Variants in AK3 observed in about 807,000 individuals in gnomAD.
AK3 encodes adenylate kinase 3.
AK3 carries 27 observed loss-of-function variants against 23.7 expected under a neutral mutation model. That is an observed-to-expected ratio of 1.14 (90% CI 0.84 to 1.57). AK3 has a LOEUF of 1.57. AK3 is among the 40% of genes most tolerant of loss of function. The pLI, the probability that AK3 is intolerant of heterozygous loss-of-function variation, is 0.00. For synonymous variants in AK3, 159 were observed against 116.0 expected (o/e 1.37, Z -2.38); for missense variants, 406 against 285.6 (o/e 1.42, Z -3.04).
chr9:4,730,369 T>C (rs374283845), intron 1 of AK3, among the ~76,000 whole-genome samples: 1 of 151,750 alleles, frequency 6.6e-6, no homozygotes, highest in Non-Finnish European at 1.5e-5. Context: ...TTTTAAAAAA[T>C]AGAACAGATG....
chr9:4,711,466 T>G lies in AK3; in HGVS notation c.*1510A>C, dbSNP rs1224642764. ...TTCTTTTAAAAAACCTTGGTTCATC[T>G]TGAAAGATCGATGAATTTTTTAAAT... is the stretch of plus-strand genomic sequence containing the variant. On this transcript the variant is annotated 3_prime_UTR_variant, in exon 5 of 5. Coordinates refer to ENST00000381809, the MANE Select transcript of AK3 (RefSeq NM_016282.4). 1 of 152,640 alleles carries G rather than the reference T, an allele frequency of 6.6e-6. No individual in the cohort carries two copies. Among genetic ancestry groups the G allele is most frequent in the Non-Finnish European group, 1.5e-5 (1 of 68,028 alleles). The allele number at this position is 152,640 out of a possible 1,614,324, so 9.5% of individuals were successfully genotyped here. A position where few individuals can be genotyped will look rare whatever the true frequency, so the allele number is the denominator to read the frequency against.
At chr9:4,725,720 C>G (rs1348557252) in intron 1 of AK3, among the ~76,000 whole-genome samples, 2 of 152,148 alleles carry the variant, frequency 1.3e-5, no homozygotes, top group African/African-American at 2.4e-5. Context: ...CTAAAGAACT[C>G]TTACAACTCA....
At chr9:4,718,393 A>T (rs754330244) in intron 4 of AK3, 26 bp downstream of exon 4, 1 of 1,539,526 alleles carries the variant, frequency 6.5e-7, no homozygotes, top group Non-Finnish European at 9.0e-7. Context: ...ACTACGCAAG[A>T]GAAGTTCTGA....
At chr9:4,727,281 C>T (rs1842041408) in intron 1 of AK3, among the ~76,000 whole-genome samples, 1 of 152,174 alleles carries the variant, frequency 6.6e-6, no homozygotes, top group African/African-American at 2.4e-5. Context: ...CTTCTCTTCT[C>T]CAGCAATGGA....
At chr9:4,734,562 C>A (rs1458937706) in intron 1 of AK3, among the ~76,000 whole-genome samples, 1 of 152,152 alleles carries the variant, frequency 6.6e-6, no homozygotes, top group Non-Finnish European at 1.5e-5. Context: ...TCCCTGGATT[C>A]TACTAGATTC....
chr9:4,723,447 GATT>G, intron 1 of AK3, among the ~76,000 whole-genome samples: 1 of 152,204 alleles, frequency 6.6e-6, no homozygotes, highest in South Asian at 2.1e-4. Flanking sequence ...TTAGTATTGT[GATT>G]ATGTTATATT....
At chr9:4,731,294 T>A (rs1842146952) in intron 1 of AK3, among the ~76,000 whole-genome samples, 1 of 152,102 alleles carries the variant, frequency 6.6e-6, no homozygotes, top group African/African-American at 2.4e-5. Flanking sequence ...TGAAAGGCCC[T>A]AGTGTGAATT....
chr9:4,714,104 A>ACACATATACACCTC lies in AK3; in HGVS notation c.564-1009_564-1008insGAGGTGTATATGTG, dbSNP rs1563781195. Among the ~76,000 whole-genome samples, 10 of 1,434 alleles carry ACACATATACACCTC rather than the reference A, an allele frequency of 7.0e-3. 1 individual carries two copies. The highest frequency in any genetic ancestry group is 0.026 in the African/African-American group (10 of 390). 0.9% of individuals were successfully genotyped at this position (1,434 alleles called of 152,430 possible). ...TACACACCTACACATATACACACCT[A>ACACATATACACCTC]CACATATACACACCTCCACATATAC... On this transcript the variant is annotated intron_variant, in intron 4 of 4. Coordinates refer to ENST00000381809, the MANE Select transcript of AK3 (RefSeq NM_016282.4).
intron 1 of AK3, among the ~76,000 whole-genome samples, chr9:4,740,249 C>T (rs1010901821): frequency 6.6e-6 from 1 of 152,144 alleles, no homozygotes; most frequent in African/African-American, 2.4e-5. Flanking sequence ...AATTTACATA[C>T]CACAAATTCA....
chr9:4,731,527 A>G (rs1421565462), intron 1 of AK3, among the ~76,000 whole-genome samples: 2 of 151,776 alleles, frequency 1.3e-5, no homozygotes, highest in South Asian at 2.1e-4. Flanking sequence ...TTTATCCACA[A>G]TATTTATTAA....
intron 1 of AK3, among the ~76,000 whole-genome samples, chr9:4,730,898 A>C (rs1045409153): frequency 2.0e-5 from 3 of 152,120 alleles, no homozygotes; most frequent in African/African-American, 7.2e-5. Flanking sequence ...GCAGTACTGA[A>C]TGGAAGTTAC....
intron 1 of AK3, among the ~76,000 whole-genome samples, chr9:4,738,674 G>A (rs1842351453): frequency 6.6e-6 from 1 of 150,940 alleles, no homozygotes; most frequent in Admixed American, 6.6e-5. Flanking sequence ...TGTGTGGCAA[G>A]GCAGAATTAT....
At chr9:4,730,516 T>C (rs922025908) in intron 1 of AK3, among the ~76,000 whole-genome samples, 2 of 152,172 alleles carry the variant, frequency 1.3e-5, no homozygotes, top group African/African-American at 4.8e-5. Context: ...GGTGGGAGGA[T>C]TGCTTGAGCC....
upstream of AK3, chr9:4,741,270 G>T: frequency 1.8e-6 from 1 of 557,696 alleles, no homozygotes; most frequent in Non-Finnish European, 2.7e-6. Context: ...GCGGGACCCC[G>T]CTGTTGCGTC....
intron 2 of AK3, among the ~76,000 whole-genome samples, chr9:4,722,083 G>T (rs1169479656): frequency 6.6e-6 from 1 of 152,206 alleles, no homozygotes; most frequent in Non-Finnish European, 1.5e-5. Context: ...TTTAGTGAGA[G>T]CTGAGGACTC....
In AK3 at chr9:4,719,222, C is replaced by A; in HGVS notation, c.357G>T (p.Glu119Asp). 2 of 1,611,982 alleles carry A rather than the reference C, an allele frequency of 1.2e-6. No individual in the cohort carries two copies. Among genetic ancestry groups the A allele is most frequent in the East Asian group, 4.5e-5 (2 of 44,876 alleles). Residue 119 changes from glutamate (E) to aspartate (D), a missense_variant, in exon 3 of 5, where the codon GAG becomes GAT. Coordinates refer to ENST00000381809, the MANE Select transcript of AK3 (RefSeq NM_016282.4). ...DTVINLNVPF[E>D]VIKQRLTARW... The stretch of plus-strand genomic sequence containing the variant: ...GAGCAGTAAGGCGTTGTTTAATGAC[C>A]TCAAAGGGCACATTCAGGTTAATCA...
At chr9:4,725,821 A>G (rs1314789775) in intron 1 of AK3, among the ~76,000 whole-genome samples, 2 of 152,192 alleles carry the variant, frequency 1.3e-5, no homozygotes, top group East Asian at 1.9e-4. Context: ...ACACATGATC[A>G]ACGTCCTTAA....
chr9:4,721,465 C>CTT (rs879739555), intron 2 of AK3, among the ~76,000 whole-genome samples: 1 of 147,694 alleles, frequency 6.8e-6, no homozygotes, highest in Non-Finnish European at 1.5e-5. Context: ...ACATCAACTT[C>CTT]TTTTTTTTTT....
chr9:4,714,764 C>G lies in AK3; in HGVS notation c.564-1668G>C, dbSNP rs78385163. ...TGTTTGTAAACATAGACCAGTTACT[C>G]TATAATGTCCCACAGCTAAAAGGTT... On this transcript the variant is annotated intron_variant, in intron 4 of 4. Coordinates refer to ENST00000381809, the MANE Select transcript of AK3 (RefSeq NM_016282.4). Among the ~76,000 whole-genome samples, 356 of 152,274 alleles carry G rather than the reference C, an allele frequency of 2.3e-3. 4 individuals carry two copies. Among genetic ancestry groups the G allele is most frequent in the African/African-American group, 8.3e-3 (343 of 41,540 alleles).
Sources: allele counts gnomAD v4.1 joint callset (sites outside exome capture counted in the v4.1 genomes callset), GRCh38; gene constraint gnomAD v4.1.1; transcripts MANE v1.5; gene names NCBI Gene and HGNC (gene_info 2026-07-23, HGNC 2026-07-21).